Variants in ST6GAL1 observed in about 807,000 individuals in gnomAD.
ST6GAL1 encodes the protein ST6 beta-galactoside alpha-2,6-sialyltransferase 1, also known as beta-galactoside alpha-2,6-sialyltransferase 1.
In ST6GAL1, 20 loss-of-function variants were observed where a neutral mutation model predicts 38.0. That is an observed-to-expected ratio of 0.53 (90% CI 0.37 to 0.77). ST6GAL1 has a LOEUF of 0.77. Ranked by LOEUF, ST6GAL1 falls within the 30% of genes least tolerant of loss-of-function variation. The pLI is 0.00. For missense variants in ST6GAL1, 432 were observed against 496.4 expected (o/e 0.87, Z 1.23); for synonymous variants, 196 against 188.2 (o/e 1.04, Z -0.34).
At chr3:186,999,684 C>T (rs1716549272) in intron 2 of ST6GAL1, among the ~76,000 whole-genome samples, 2 of 152,202 alleles carry the variant, frequency 1.3e-5, no homozygotes, top group South Asian at 4.1e-4. Flanking sequence ...ACTGGGATTA[C>T]AGTCATGAGC....
intron 1 of ST6GAL1, among the ~76,000 whole-genome samples, chr3:186,937,069 A>G (rs1281039441): frequency 2.6e-5 from 4 of 151,928 alleles, no homozygotes; most frequent in Non-Finnish European, 5.9e-5. Context: ...AACAGTTGGC[A>G]ATTTTCCTTC....
chr3:187,069,563 T>G (rs1719290909), intron 5 of ST6GAL1, among the ~76,000 whole-genome samples: 1 of 152,256 alleles, frequency 6.6e-6, no homozygotes, highest in Non-Finnish European at 1.5e-5. Flanking sequence ...TTGTAACTTC[T>G]TTTCTTTACT....
At chr3:187,027,065 T>TAACTAAA (rs1450157852) in intron 2 of ST6GAL1, among the ~76,000 whole-genome samples, 3 of 149,042 alleles carry the variant, frequency 2.0e-5, no homozygotes, top group Admixed American at 6.7e-5. Context: ...AATAAATAAA[T>TAACTAAA]AAATAAAAAA....
At position 187,075,421 on chromosome 3, in the gene ST6GAL1, T is replaced by C. The variant is rs1254998085; in HGVS notation, c.980-141T>C. The C allele has an allele frequency of 3.8e-6, 5 of 1,305,046 alleles. No homozygotes were observed. The highest frequency in any genetic ancestry group is 5.2e-6 in the Non-Finnish European group (5 of 955,224). The allele number at this position is 1,305,046 out of a possible 1,614,324, so 80.8% of individuals were successfully genotyped here. A position where few individuals can be genotyped will look rare whatever the true frequency, so the allele number is the denominator to read the frequency against. Reference sequence around the variant, plus strand: ...TGGGCTTGGCTTGCTGAAACTTAGATTGGGAATCACAGTCATAAATAGAAA... The same window carrying C: ...TGGGCTTGGCTTGCTGAAACTTAGACTGGGAATCACAGTCATAAATAGAAA... On this transcript the variant is annotated intron_variant, in intron 7 of 7. Transcript: ENST00000169298. This position sits in a 1 kb window ranked among gnomAD's most constrained non-coding sequence, Gnocchi z 4.1.
Position 187,074,100 on chromosome 3 carries a change from G to C in ST6GAL1, c.805-59G>C, listed in dbSNP as rs1007271550. Reference sequence around the variant, plus strand: ...ATGTCCACTGATGAAGATGACTCCTGGGGGGAGCAGCTCACTGGCCCATTT... The same window carrying C: ...ATGTCCACTGATGAAGATGACTCCTCGGGGGAGCAGCTCACTGGCCCATTT... On this transcript the variant is annotated intron_variant, in intron 6 of 7. Coordinates refer to ENST00000169298, the MANE Select transcript of ST6GAL1 (RefSeq NM_173216.2). 8.1e-6 allele frequency: 12 copies of C among 1,481,344 alleles called. No individual in the cohort carries two copies. The South Asian group carries it at 1.5e-4, about 19-fold the overall frequency. 91.8% of individuals were successfully genotyped at this position (1,481,344 alleles called of 1,614,324 possible). A position where few individuals can be genotyped will look rare whatever the true frequency, so the allele number is the denominator to read the frequency against.
At chr3:187,019,824 G>C (rs773511892) in intron 2 of ST6GAL1, among the ~76,000 whole-genome samples, 7 of 152,220 alleles carry the variant, frequency 4.6e-5, no homozygotes, top group Non-Finnish European at 7.3e-5. Context: ...TGAGGGTGAG[G>C]TTTGTGCACT....
At chr3:187,054,258 G>A (rs568426619) in intron 5 of ST6GAL1, among the ~76,000 whole-genome samples, 8 of 152,224 alleles carry the variant, frequency 5.3e-5, no homozygotes, top group South Asian at 2.1e-4. Context: ...GGGACAGTTC[G>A]ACTTCCTCTT....
At chr3:186,947,095 G>T (rs1476740110) in intron 1 of ST6GAL1, among the ~76,000 whole-genome samples, 1 of 152,168 alleles carries the variant, frequency 6.6e-6, no homozygotes, top group Non-Finnish European at 1.5e-5. Context: ...GGAGCAGTTT[G>T]TTGGTGGTTC....
At chr3:187,008,301 G>T (rs73071410) in intron 2 of ST6GAL1, among the ~76,000 whole-genome samples, 4,092 of 150,032 alleles carry the variant, frequency 0.027, 191 homozygotes, top group African/African-American at 0.094. Context: ...TTATACGTAA[G>T]AAAAGGGAAG....
At chr3:186,941,729 T>A (rs1714182536) in intron 1 of ST6GAL1, among the ~76,000 whole-genome samples, 1 of 152,044 alleles carries the variant, frequency 6.6e-6, no homozygotes, top group African/African-American at 2.4e-5. Context: ...AAGTTGCAAG[T>A]AGGCTGGGCA....
At chr3:187,066,827 G>T (rs116359756) in intron 5 of ST6GAL1, among the ~76,000 whole-genome samples, 1 of 151,954 alleles carries the variant, frequency 6.6e-6, no homozygotes, top group East Asian at 1.9e-4. Context: ...CCCCTAAGAG[G>T]ATCTCCAAAC....
At chr3:186,984,731 CT>C (rs1715812608) in intron 2 of ST6GAL1, among the ~76,000 whole-genome samples, 2 of 103,894 alleles carry the variant, frequency 1.9e-5, no homozygotes, top group South Asian at 4.0e-4. Flanking sequence ...TCCTCCCTTC[CT>C]TCCTTCCTTC....
At chr3:187,055,848 T>G (rs1718680916) in intron 5 of ST6GAL1, among the ~76,000 whole-genome samples, 1 of 152,168 alleles carries the variant, frequency 6.6e-6, no homozygotes, top group Non-Finnish European at 1.5e-5. Context: ...TGAGTTCAAG[T>G]CCTGGATATC....
chr3:187,036,890 A>C (rs953428559), intron 2 of ST6GAL1, among the ~76,000 whole-genome samples: 12 of 152,114 alleles, frequency 7.9e-5, no homozygotes, highest in Non-Finnish European at 1.5e-5. Context: ...CTAACATATA[A>C]ATTAAAATTA....
intron 2 of ST6GAL1, among the ~76,000 whole-genome samples, chr3:187,029,513 A>C (rs1717666144): frequency 6.6e-6 from 1 of 152,198 alleles, no homozygotes; most frequent in Admixed American, 6.5e-5. Context: ...CTCCATGAAC[A>C]AGTAGCAAAT....
At chr3:187,019,780 C>CT (rs1717234386) in intron 2 of ST6GAL1, among the ~76,000 whole-genome samples, 1 of 152,148 alleles carries the variant, frequency 6.6e-6, no homozygotes, top group African/African-American at 2.4e-5. Context: ...CACTCTAAGT[C>CT]TAAGAACAGA....
chr3:187,065,877 G>T (rs540728169), intron 5 of ST6GAL1, among the ~76,000 whole-genome samples: 1 of 152,254 alleles, frequency 6.6e-6, no homozygotes, highest in Admixed American at 6.5e-5. Flanking sequence ...ACCCTGTGAG[G>T]TATGACCACC....
At position 187,043,220 on chromosome 3, in the gene ST6GAL1, A is replaced by G; in HGVS notation, c.517A>G (p.Ser173Gly). Residue 173 changes from serine (S) to glycine (G), a missense_variant, in exon 4 of 8, where the codon AGC becomes GGC. Physicochemically the swap from Ser to Gly is moderately conservative, Grantham distance 56. Coordinates refer to ENST00000169298, the MANE Select transcript of ST6GAL1 (RefSeq NM_173216.2). ...ATGGGAGGGTTATCTGCCCAAGGAGAGCATTAGGACCAAGGCTGGGCCTTG... is the reference window on the plus strand; with the variant it reads ...ATGGGAGGGTTATCTGCCCAAGGAGGGCATTAGGACCAAGGCTGGGCCTTG... ...SEWEGYLPKESIRTKAGPWGR... is the reference protein window; with the variant it reads ...SEWEGYLPKEGIRTKAGPWGR... 1 of 1,614,024 alleles carries G rather than the reference A, an allele frequency of 6.2e-7. No homozygotes were observed. Among genetic ancestry groups the G allele is most frequent in the African/African-American group, 1.3e-5 (1 of 74,974 alleles).
chr3:186,955,745 C>A (rs1005416130), intron 1 of ST6GAL1, among the ~76,000 whole-genome samples: 2 of 152,168 alleles, frequency 1.3e-5, no homozygotes, highest in African/African-American at 4.8e-5. Flanking sequence ...TTGTGATCCA[C>A]CCACCTCAGC....
Sources: allele counts gnomAD v4.1 joint callset (sites outside exome capture counted in the v4.1 genomes callset), GRCh38; gene constraint gnomAD v4.1.1; non-coding constraint Gnocchi (gnomAD v3.1); transcripts MANE v1.5; gene names NCBI Gene and HGNC (gene_info 2026-07-23, HGNC 2026-07-21).